SOX5: variants seen among roughly 807,000 people sequenced by gnomAD.
SOX5 encodes transcription factor SOX-5.
Under a neutral mutation model 92.0 loss-of-function variants are expected in SOX5, and 9 were observed. The observed-to-expected ratio is 0.10, with a 90% CI of 0.06 to 0.17. The LOEUF is 0.17. SOX5 is among the 10% of genes least tolerant of loss of function. SOX5 has a pLI of 1.00. For synonymous variants in SOX5, 344 were observed against 336.3 expected (o/e 1.02, Z -0.25); for missense variants, 642 against 944.5 (o/e 0.68, Z 4.20).
chr12:24,094,149 G>A (rs2137829039), intron 4 of SOX5, among the ~76,000 whole-genome samples: 1 of 152,234 alleles, frequency 6.6e-6, no homozygotes, highest in East Asian at 1.9e-4. Context: ...GTTTCACCAT[G>A]TTGACCAGGC....
At chr12:24,069,483 A>G (rs533367971) in intron 4 of SOX5, among the ~76,000 whole-genome samples, 5 of 152,366 alleles carry the variant, frequency 3.3e-5, no homozygotes, top group Admixed American at 2.6e-4. Context: ...AAAAATTATT[A>G]TGAGAAGAAC....
chr12:24,199,200 T>C (rs1345680958), intron 4 of SOX5, among the ~76,000 whole-genome samples: 1 of 152,090 alleles, frequency 6.6e-6, no homozygotes, highest in Non-Finnish European at 1.5e-5. Context: ...ATGCCCATGA[T>C]TAAAGACCAT....
At chr12:23,969,339 A>T (rs1388567542) in intron 4 of SOX5, among the ~76,000 whole-genome samples, 1 of 151,624 alleles carries the variant, frequency 6.6e-6, no homozygotes, top group African/African-American at 2.4e-5. Flanking sequence ...TTTTTCCCAC[A>T]CTGTACCGAG....
chr12:23,972,711 A>G (rs1489137683), intron 4 of SOX5, among the ~76,000 whole-genome samples: 1 of 152,048 alleles, frequency 6.6e-6, no homozygotes, highest in Non-Finnish European at 1.5e-5. Context: ...GACAATGTAC[A>G]TATTTATGGG....
At chr12:23,538,536 T>C (rs1210244541) in intron 13 of SOX5, among the ~76,000 whole-genome samples, 3 of 152,220 alleles carry the variant, frequency 2.0e-5, no homozygotes, top group Non-Finnish European at 4.4e-5. Context: ...CTGAAGATAC[T>C]TGAATACCAT....
chr12:24,235,648 C>T (rs984321057), intron 3 of SOX5, among the ~76,000 whole-genome samples: 2 of 152,086 alleles, frequency 1.3e-5, no homozygotes, highest in East Asian at 1.9e-4. Context: ...AGAAAGTATG[C>T]TTTATTATAT....
At chr12:23,979,683 C>CATAT (rs200671303) in intron 4 of SOX5, among the ~76,000 whole-genome samples, 4 of 114,538 alleles carry the variant, frequency 3.5e-5, no homozygotes, top group South Asian at 5.7e-4. Context: ...TTCTTCCTTC[C>CATAT]ATATATATAT....
chr12:24,156,514 C>T (rs1024376093), intron 4 of SOX5, among the ~76,000 whole-genome samples: 2 of 152,112 alleles, frequency 1.3e-5, no homozygotes, highest in Admixed American at 1.3e-4. Context: ...GTATTCATTC[C>T]TCCCTGATAT....
intron 4 of SOX5, among the ~76,000 whole-genome samples, chr12:24,096,926 T>C (rs1431631574): frequency 6.6e-6 from 1 of 152,204 alleles, no homozygotes; most frequent in African/African-American, 2.4e-5. Context: ...GTAATTTTTG[T>C]GTTTAATGTT....
Position 23,726,176 on chromosome 12 carries a change from G to GAGA in SOX5, c.810+8507_810+8508insTCT, listed in dbSNP as rs1555294880. Among the ~76,000 whole-genome samples, 156 of 73,058 alleles carry GAGA rather than the reference G, an allele frequency of 2.1e-3. 1 individual carries two copies. Among genetic ancestry groups the GAGA allele is most frequent in the Admixed American group, 4.0e-3 (26 of 6,424 alleles). The allele number at this position is 73,058 out of a possible 152,430, so 47.9% of individuals were successfully genotyped here. ...GAGAGAGAGAGAGAGAGAGAGAGAG[G>GAGA]TCAGTTTCTCACTGTTTGTAAGTTA... is the stretch of plus-strand genomic sequence containing the variant. On this transcript the variant is annotated intron_variant, in intron 6 of 14. Coordinates refer to ENST00000451604, the MANE Select transcript of SOX5 (RefSeq NM_006940.6).
At chr12:24,500,830 C>T (rs1046599697) in intron 1 of SOX5, among the ~76,000 whole-genome samples, 2 of 152,078 alleles carry the variant, frequency 1.3e-5, no homozygotes, top group Non-Finnish European at 2.9e-5. Context: ...AATTCATGCC[C>T]TGTATAAAAA....
At chr12:23,971,592 T>C (rs957910074) in intron 4 of SOX5, among the ~76,000 whole-genome samples, 2 of 151,148 alleles carry the variant, frequency 1.3e-5, no homozygotes, top group African/African-American at 4.8e-5. Context: ...CAGAAGGCAA[T>C]AGCTTCATAC....
chr12:23,853,173 T>C (rs1182585949), intron 2 of SOX5, among the ~76,000 whole-genome samples: 1 of 150,596 alleles, frequency 6.6e-6, no homozygotes, highest in Admixed American at 6.7e-5. Context: ...GACTTTGAAT[T>C]TTTTAATAGT....
intron 3 of SOX5, among the ~76,000 whole-genome samples, chr12:24,230,091 T>G (rs1176865851): frequency 2.6e-5 from 4 of 152,180 alleles, no homozygotes; most frequent in Non-Finnish European, 5.9e-5. Flanking sequence ...ATCACTCAGA[T>G]TGGCCTTGAA....
chr12:23,745,138 G>A (rs1221034895), intron 4 of SOX5, among the ~76,000 whole-genome samples: 1 of 152,032 alleles, frequency 6.6e-6, no homozygotes, highest in African/African-American at 2.4e-5. Context: ...GGTGGGTAGG[G>A]GAAAGTGCGT....
intron 2 of SOX5, among the ~76,000 whole-genome samples, chr12:24,333,851 T>TAAAAAAAAAAAA (rs5797076): frequency 1.4e-5 from 2 of 138,508 alleles, no homozygotes; most frequent in Non-Finnish European, 1.6e-5. Flanking sequence ...TTCACCAAGT[T>TAAAAAAAAAAAA]AAAAAAAAAA....
At chr12:24,121,034 T>C (rs1030578329) in intron 4 of SOX5, among the ~76,000 whole-genome samples, 7 of 152,212 alleles carry the variant, frequency 4.6e-5, no homozygotes, top group Non-Finnish European at 5.9e-5. Flanking sequence ...CAGCACCAAC[T>C]AGGCACATTT....
chr12:23,957,916 G>C (rs941197366), intron 4 of SOX5, among the ~76,000 whole-genome samples: 7 of 152,040 alleles, frequency 4.6e-5, no homozygotes, highest in African/African-American at 1.7e-4. Context: ...ATTAATGTTT[G>C]TAATTTGCCC....
intron 4 of SOX5, among the ~76,000 whole-genome samples, chr12:24,037,287 T>C (rs1956135306): frequency 6.6e-6 from 1 of 152,168 alleles, no homozygotes; most frequent in Admixed American, 6.6e-5. Flanking sequence ...TGAATCCTAT[T>C]AACTAGATAG....
Sources: allele counts gnomAD v4.1 joint callset (sites outside exome capture counted in the v4.1 genomes callset), GRCh38; gene constraint gnomAD v4.1.1; transcripts MANE v1.5; gene names NCBI Gene and HGNC (gene_info 2026-07-23, HGNC 2026-07-21).